Variants in FHIT observed in about 807,000 individuals in gnomAD.
FHIT encodes the protein bis(5'-adenosyl)-triphosphatase.
A neutral mutation model predicts 17.9 loss-of-function variants in FHIT; 19 were observed. The observed-to-expected ratio is 1.06, with a 90% CI of 0.74 to 1.56. The LOEUF is 1.56. Ranked by LOEUF, FHIT falls within the 40% of genes most tolerant of loss-of-function variation. The pLI is 0.00. For missense variants in FHIT, 248 were observed against 189.2 expected, an observed-to-expected ratio of 1.31 and a Z score of -1.82; for synonymous variants, 81 against 69.7, an observed-to-expected ratio of 1.16 and a Z score of -0.81.
chr3:60,557,961 C>A (rs750150116), intron 4 of FHIT, among the ~76,000 whole-genome samples: 1 of 151,966 alleles, frequency 6.6e-6, no homozygotes, highest in Non-Finnish European at 1.5e-5. Flanking sequence ...TGAGGAAGGA[C>A]CATTGCTTTC....
At chr3:60,825,897 G>A (rs1266711345) in intron 3 of FHIT, among the ~76,000 whole-genome samples, 1 of 152,120 alleles carries the variant, frequency 6.6e-6, no homozygotes, top group Non-Finnish European at 1.5e-5. Flanking sequence ...ATTTTAGGCA[G>A]GGGTACAGGC....
chr3:60,447,112 G>C (rs1371466789), intron 5 of FHIT, among the ~76,000 whole-genome samples: 1 of 151,980 alleles, frequency 6.6e-6, no homozygotes, highest in Non-Finnish European at 1.5e-5. Context: ...CAAATTCCCT[G>C]AAGGGAAAAG....
At chr3:59,794,944 G>A (rs748838531) in intron 8 of FHIT, among the ~76,000 whole-genome samples, 43 of 152,278 alleles carry the variant, frequency 2.8e-4, no homozygotes, top group Non-Finnish European at 5.6e-4. Context: ...AGATAAGCAC[G>A]AGTTAACTTT....
intron 5 of FHIT, among the ~76,000 whole-genome samples, chr3:60,470,321 G>A (rs189686746): frequency 6.6e-6 from 1 of 152,144 alleles, no homozygotes; most frequent in East Asian, 1.9e-4. Flanking sequence ...TCTGGCTCTG[G>A]TCAGGTCCAG....
intron 2 of FHIT, among the ~76,000 whole-genome samples, chr3:61,180,995 C>T (rs777196349): frequency 2.6e-5 from 4 of 151,906 alleles, no homozygotes; most frequent in African/African-American, 7.3e-5. Flanking sequence ...GTTGCTTTTT[C>T]GACTAAAAAA....
At chr3:61,162,890 G>A (rs1370042033) in intron 2 of FHIT, among the ~76,000 whole-genome samples, 4 of 152,032 alleles carry the variant, frequency 2.6e-5, no homozygotes, top group Non-Finnish European at 5.9e-5. Flanking sequence ...GGGCTTTTTG[G>A]ATTCTCTTTA....
intron 2 of FHIT, among the ~76,000 whole-genome samples, chr3:61,108,467 C>T (rs970732131): frequency 6.6e-6 from 1 of 152,110 alleles, no homozygotes; most frequent in Non-Finnish European, 1.5e-5. Context: ...AGCAGAGAAA[C>T]AGTACACATA....
At chr3:61,061,355 T>A (rs1575939525) in intron 2 of FHIT, among the ~76,000 whole-genome samples, 1 of 152,274 alleles carries the variant, frequency 6.6e-6, no homozygotes, top group East Asian at 1.9e-4. Flanking sequence ...CTCATCTTTA[T>A]CTATCCAGTC....
intron 8 of FHIT, among the ~76,000 whole-genome samples, chr3:59,817,669 A>G (rs1389255888): frequency 6.6e-6 from 1 of 152,158 alleles, no homozygotes; most frequent in Non-Finnish European, 1.5e-5. Context: ...CCAGCCTTTT[A>G]AAGGCACAGA....
intron 4 of FHIT, among the ~76,000 whole-genome samples, chr3:60,735,178 TA>T (rs782054222): frequency 1.3e-5 from 2 of 152,226 alleles, no homozygotes; most frequent in Non-Finnish European, 2.9e-5. Context: ...GTATCTTTTC[TA>T]AATTTACAGA....
chr3:61,018,406 C>A (rs1237515672), intron 3 of FHIT, among the ~76,000 whole-genome samples: 1 of 152,218 alleles, frequency 6.6e-6, no homozygotes, highest in Non-Finnish European at 1.5e-5. Flanking sequence ...GTGTCATGCA[C>A]ATTACCATTT....
intron 8 of FHIT, among the ~76,000 whole-genome samples, chr3:59,885,330 G>C (rs1299803502): frequency 6.6e-6 from 1 of 152,080 alleles, no homozygotes; most frequent in African/African-American, 2.4e-5. Context: ...ACGGGGGGCT[G>C]CCATGTGTCC....
chr3:61,057,401 C>T (rs975496653), intron 2 of FHIT, among the ~76,000 whole-genome samples: 1 of 151,992 alleles, frequency 6.6e-6, no homozygotes, highest in Admixed American at 6.6e-5. Context: ...AGGTTGGTCA[C>T]AGTGAAAGCT....
At chr3:60,748,803 TC>T (rs1237375558) in intron 4 of FHIT, among the ~76,000 whole-genome samples, 2 of 152,062 alleles carry the variant, frequency 1.3e-5, no homozygotes, top group Non-Finnish European at 2.9e-5. Context: ...CAGAGTGAAC[TC>T]CATCTCAAAA....
At chr3:61,065,365 T>G (rs1348456735) in intron 2 of FHIT, among the ~76,000 whole-genome samples, 3 of 152,158 alleles carry the variant, frequency 2.0e-5, no homozygotes, top group African/African-American at 7.2e-5. Context: ...ATATAGATGG[T>G]GTGTTCACAT....
At chr3:59,993,116 A>G (rs1699358485) in intron 7 of FHIT, among the ~76,000 whole-genome samples, 1 of 152,100 alleles carries the variant, frequency 6.6e-6, no homozygotes, top group African/African-American at 2.4e-5. Context: ...TCAATAGGTA[A>G]GAAAGTTTTC....
intron 5 of FHIT, among the ~76,000 whole-genome samples, chr3:60,053,298 TA>T (rs146726159): frequency 0.016 from 2,402 of 151,220 alleles, 65 homozygotes; most frequent in African/African-American, 0.055. Flanking sequence ...ATAAACATTT[TA>T]TTCTTTCACT....
At chr3:60,662,721 C>T (rs1280569271) in intron 4 of FHIT, among the ~76,000 whole-genome samples, 1 of 152,034 alleles carries the variant, frequency 6.6e-6, no homozygotes, top group Non-Finnish European at 1.5e-5. Flanking sequence ...TCTATGATTT[C>T]CTTAAGTAGT....
chr3:59,896,802 A>T (rs1232450232), intron 8 of FHIT, among the ~76,000 whole-genome samples: 1 of 152,194 alleles, frequency 6.6e-6, no homozygotes, highest in Non-Finnish European at 1.5e-5. Context: ...TAATATTCAC[A>T]AGCAGTATCA....
Sources: allele counts gnomAD v4.1 joint callset (sites outside exome capture counted in the v4.1 genomes callset), GRCh38; gene constraint gnomAD v4.1.1; transcripts MANE v1.5; gene names NCBI Gene and HGNC (gene_info 2026-07-23, HGNC 2026-07-21).